Variants in EHMT1 observed in about 807,000 individuals in gnomAD.
EHMT1 encodes euchromatic histone lysine methyltransferase 1.
EHMT1 carries 15 observed loss-of-function variants against 147.2 expected under a neutral mutation model. The observed-to-expected ratio is 0.10, with a 90% CI of 0.07 to 0.16. The LOEUF (loss-of-function observed/expected upper bound fraction) is 0.16. EHMT1 is among the 10% of genes least tolerant of loss of function. The probability of loss-of-function intolerance (pLI) is 1.00; values close to 1 mark genes in which losing one functional copy is unlikely to be tolerated. For synonymous variants in EHMT1, 795 were observed against 709.6 expected (o/e 1.12, Z -1.91); for missense variants, 1,587 against 1,772.4 (o/e 0.90, Z 1.88).
chr9:137,720,206 C>A (rs952374778), intron 3 of EHMT1, among the ~76,000 whole-genome samples: 2 of 151,998 alleles, frequency 1.3e-5, no homozygotes, highest in Non-Finnish European at 2.9e-5. Flanking sequence ...AGATATGGAA[C>A]CCCCCACACC....
intron 16 of EHMT1, chr9:137,792,357 T>G: frequency 3.9e-6 from 1 of 255,032 alleles, no homozygotes; most frequent in Non-Finnish European, 8.0e-6. Context: ...CAGCTGGATA[T>G]CCACATCCAG....
At chr9:137,715,844 C>T in intron 2 of EHMT1, 1 of 985,068 alleles carries the variant, frequency 1.0e-6, no homozygotes. Flanking sequence ...CTCCAAATAA[C>T]ACTCCATGTT....
At chr9:137,702,379 A>G (rs1943911546) in intron 1 of EHMT1, among the ~76,000 whole-genome samples, 1 of 152,200 alleles carries the variant, frequency 6.6e-6, no homozygotes, top group Non-Finnish European at 1.5e-5. Context: ...GCATTGGGTA[A>G]ATGCTTCTGT....
intron 1 of EHMT1, among the ~76,000 whole-genome samples, chr9:137,677,201 T>G (rs972799363): frequency 7.2e-5 from 11 of 152,028 alleles, no homozygotes; most frequent in African/African-American, 2.7e-4. Flanking sequence ...TGACGCAATC[T>G]CTGCTCATTG....
chr9:137,655,883 G>A (rs1420691580), intron 1 of EHMT1, among the ~76,000 whole-genome samples: 3 of 152,082 alleles, frequency 2.0e-5, no homozygotes, highest in Admixed American at 2.0e-4. Context: ...TGAGTCCCTG[G>A]TGCCAAAAAG....
intron 1 of EHMT1, among the ~76,000 whole-genome samples, chr9:137,628,761 C>T (rs901635071): frequency 6.6e-6 from 1 of 152,154 alleles, no homozygotes; most frequent in African/African-American, 2.4e-5. Flanking sequence ...GCTCTAATGT[C>T]GAAAAGAGCG....
chr9:137,709,825 C>T (rs530325640), intron 1 of EHMT1, among the ~76,000 whole-genome samples: 1 of 152,224 alleles, frequency 6.6e-6, no homozygotes, highest in East Asian at 1.9e-4. Context: ...TCAGTTGTTC[C>T]TATTTTATCA....
rs574263220 is a variant in EHMT1 at position 137,812,317 on chromosome 9, C to T, written c.2868-689C>T. ...TTGCGACGCTACACTCCAACCTGGG[C>T]GACAGAGTGAGATTCTGTCTCAAAA... On this transcript the variant is annotated intron_variant, in intron 19 of 26. Transcript: ENST00000460843. Among the ~76,000 whole-genome samples, 19 of 152,272 alleles carry T rather than the reference C, an allele frequency of 1.2e-4. No homozygotes were observed. The South Asian group carries it at 1.4e-3, about 12-fold the overall frequency.
At chr9:137,790,598 C>G (rs1952451525) in intron 15 of EHMT1, among the ~76,000 whole-genome samples, 1 of 152,176 alleles carries the variant, frequency 6.6e-6, no homozygotes. Flanking sequence ...CACTCCTGAG[C>G]TATAAACATT....
At chr9:137,704,113 C>G (rs918067464) in intron 1 of EHMT1, among the ~76,000 whole-genome samples, 1 of 152,142 alleles carries the variant, frequency 6.6e-6, no homozygotes, top group Admixed American at 6.5e-5. Flanking sequence ...AGATATATCA[C>G]GAAAACAGCA....
chr9:137,743,589 G>T, intron 5 of EHMT1, 61 bp downstream of exon 5: 1 of 1,611,088 alleles, frequency 6.2e-7, no homozygotes, highest in Non-Finnish European at 8.5e-7. Context: ...TGTGTTCAGG[G>T]CCTCGTTATC....
At chr9:137,764,666 G>C (rs373055902) in intron 10 of EHMT1, 1 of 152,178 alleles carries the variant, frequency 6.6e-6, no homozygotes, top group Non-Finnish European at 1.5e-5. Flanking sequence ...TTATTATTTA[G>C]TGCCTAGTCC....
intron 1 of EHMT1, among the ~76,000 whole-genome samples, chr9:137,683,801 T>C (rs1270522364): frequency 6.6e-6 from 1 of 152,154 alleles, no homozygotes; most frequent in Non-Finnish European, 1.5e-5. Context: ...ATTAAAAAAA[T>C]TATACAATGA....
At chr9:137,717,327 G>T in intron 3 of EHMT1, 145 bp downstream of exon 3, 1 of 1,079,086 alleles carries the variant, frequency 9.3e-7, no homozygotes, top group Non-Finnish European at 1.4e-6. Context: ...AGAAGGCCGG[G>T]AGCAGTGGCT....
At chr9:137,719,062 CTTTT>C (rs1588345469) in intron 3 of EHMT1, among the ~76,000 whole-genome samples, 1 of 152,220 alleles carries the variant, frequency 6.6e-6, no homozygotes, top group East Asian at 1.9e-4. Context: ...CTGATTAGTT[CTTTT>C]AATTTAAAAA....
chr9:137,791,744 G>GT (rs140687217), intron 16 of EHMT1, among the ~76,000 whole-genome samples: 7,427 of 151,960 alleles, frequency 0.049, 605 homozygotes, highest in African/African-American at 0.17. Context: ...CAGCTTTTTT[G>GT]TTTTTTTGAG....
rs775893780 is a variant in EHMT1 at position 137,754,263 on chromosome 9, A to G, written c.1341A>G (p.Arg447=). The stretch of plus-strand genomic sequence containing the variant: ...AGCCAGCCAGGAAAAGGAGGCGGAG[A>G]AGTAGAAAGAAGCCCAGCGGTGCCC... The part of the protein sequence containing the change: ...WIKPARKRRR[R]SRKKPSGALG... The change falls in exon 8 of 27, where the codon AGA becomes AGG. Residue 447 remains arginine (R), a synonymous_variant. Coordinates refer to ENST00000460843, the MANE Select transcript of EHMT1 (RefSeq NM_024757.5). The G allele has an allele frequency of 1.2e-6, 2 of 1,613,986 alleles. No individual in the cohort carries two copies.
intron 4 of EHMT1, among the ~76,000 whole-genome samples, chr9:137,735,726 A>G (rs998447517): frequency 1.3e-5 from 2 of 152,204 alleles, no homozygotes; most frequent in South Asian, 2.1e-4. Flanking sequence ...TGGATTCCTC[A>G]TGAATAGATC....
chr9:137,762,612 A>G, intron 9 of EHMT1, 63 bp from the exon 10 acceptor site: 1 of 1,612,328 alleles, frequency 6.2e-7, no homozygotes, highest in South Asian at 1.1e-5. Flanking sequence ...ATAATCGATC[A>G]CTTTCTAGAT....
Sources: allele counts gnomAD v4.1 joint callset (sites outside exome capture counted in the v4.1 genomes callset), GRCh38; gene constraint gnomAD v4.1.1; transcripts MANE v1.5; gene names NCBI Gene and HGNC (gene_info 2026-07-23, HGNC 2026-07-21).